The following ARHGEF18 variants were observed in gnomAD, a reference collection of about 807,000 sequenced individuals.
ARHGEF18 encodes the protein rho guanine nucleotide exchange factor 18.
A neutral mutation model predicts 155.7 loss-of-function variants in ARHGEF18; 93 were observed. That is an observed-to-expected ratio of 0.60 (90% CI 0.50 to 0.71). The LOEUF (loss-of-function observed/expected upper bound fraction) is 0.71. ARHGEF18 is among the 30% of genes least tolerant of loss of function. The probability of loss-of-function intolerance (pLI) is 0.00; values close to 1 mark genes in which losing one functional copy is unlikely to be tolerated. For synonymous variants in ARHGEF18, 742 were observed against 753.1 expected, an observed-to-expected ratio of 0.99 and a Z score of 0.24; for missense variants, 1,593 against 1,816.1, an observed-to-expected ratio of 0.88 and a Z score of 2.23.
chr19:7,441,616 CT>C (rs1974649265), intron 11 of ARHGEF18, 36 bp from the exon 12 acceptor site: 1 of 1,571,338 alleles, frequency 6.4e-7, no homozygotes, highest in Non-Finnish European at 8.8e-7. Flanking sequence ...GTTTAATTCA[CT>C]TTTCTAAAAC....
chr19:7,473,705 G>C (rs1056680076), downstream of ARHGEF18, among the ~76,000 whole-genome samples: 1 of 151,698 alleles, frequency 6.6e-6, no homozygotes, highest in African/African-American at 2.4e-5. Context: ...AGCTACTCGG[G>C]AGGCTGAAGC....
At chr19:7,409,492 A>G (rs927602824) in intron 10 of ARHGEF18, among the ~76,000 whole-genome samples, 6 of 145,404 alleles carry the variant, frequency 4.1e-5, no homozygotes, top group South Asian at 2.2e-4. Context: ...CAGTGGTACA[A>G]TCTCGGCTCA....
chr19:7,402,686 G>A (rs956677318), intron 10 of ARHGEF18, among the ~76,000 whole-genome samples: 4 of 152,082 alleles, frequency 2.6e-5, no homozygotes, highest in African/African-American at 9.7e-5. Flanking sequence ...AAAGGAAAGG[G>A]GACCAGCTTG....
At chr19:7,419,569 C>T (rs780388563) in intron 10 of ARHGEF18, among the ~76,000 whole-genome samples, 1 of 152,116 alleles carries the variant, frequency 6.6e-6, no homozygotes, top group Non-Finnish European at 1.5e-5. Flanking sequence ...GCAGGACAGG[C>T]ACCACCCTAG....
At chr19:7,443,581 C>A (rs1974804738) in intron 13 of ARHGEF18, among the ~76,000 whole-genome samples, 1 of 152,160 alleles carries the variant, frequency 6.6e-6, no homozygotes, top group Admixed American at 6.5e-5. Flanking sequence ...AAGGGCTGTA[C>A]CTCCTGATAC....
intron 23 of ARHGEF18, 21 bp downstream of exon 23, chr19:7,464,711 T>C (rs1412148639): frequency 6.2e-7 from 1 of 1,613,618 alleles, no homozygotes; most frequent in Non-Finnish European, 8.5e-7. Context: ...ATCCATTTGC[T>C]CGGTACAGTC....
chr19:7,378,659 A>G lies in ARHGEF18; in HGVS notation c.599+208A>G, dbSNP rs147099719. Among the ~76,000 whole-genome samples the G allele has an allele frequency of 3.9e-3, 553 of 143,544 alleles. 4 individuals carry two copies. Among genetic ancestry groups the G allele is most frequent in the African/African-American group, 0.014 (523 of 38,176 alleles). The allele number at this position is 143,544 out of a possible 152,430, so 94.2% of individuals were successfully genotyped here. On this transcript the variant is annotated intron_variant, in intron 6 of 28. Coordinates refer to ENST00000668164, the MANE Select transcript of ARHGEF18 (RefSeq NM_001367823.1). The stretch of plus-strand genomic sequence containing the variant: ...CCCAGGCCCCTCAGAAAGGTTCTCA[A>G]TGTAGCCTTGGGAGACAATTGTGGC...
intron 10 of ARHGEF18, among the ~76,000 whole-genome samples, chr19:7,385,019 C>T (rs528624872): frequency 9.2e-5 from 14 of 152,306 alleles, no homozygotes; most frequent in Admixed American, 7.9e-4. Flanking sequence ...AGTGCACCAA[C>T]AAAGTCAGTG....
chr19:7,410,242 C>T (rs1202813011), intron 10 of ARHGEF18, among the ~76,000 whole-genome samples: 2 of 152,140 alleles, frequency 1.3e-5, no homozygotes, highest in African/African-American at 2.4e-5. Context: ...TGCCTTCCGC[C>T]TGTGACTGAT....
chr19:7,419,296 G>GTACCCCA lies in ARHGEF18; in HGVS notation c.968-21048_968-21047insTACCCCA. 1.8e-5 allele frequency among the ~76,000 whole-genome samples: 2 copies of GTACCCCA among 110,678 alleles called. 1 individual carries two copies. The highest frequency in any genetic ancestry group is 1.3e-4 in the African/African-American group (2 of 15,652). 72.6% of individuals were successfully genotyped at this position (110,678 alleles called of 152,430 possible). A position where few individuals can be genotyped will look rare whatever the true frequency, so the allele number is the denominator to read the frequency against. On this transcript the variant is annotated intron_variant, in intron 10 of 28. Transcript: ENST00000668164. ...GTGCCCACACTCGGCCCCCGCACCT[G>GTACCCCA]GGTGTGCCCACACTTGGCCCCCACA...
intron 3 of ARHGEF18, among the ~76,000 whole-genome samples, chr19:7,375,368 AG>A (rs1970404973): frequency 6.6e-6 from 1 of 150,426 alleles, no homozygotes; most frequent in African/African-American, 2.4e-5. Context: ...GAAGGAAGGA[AG>A]GAAGGAAGAA....
chr19:7,444,535 G>C lies in ARHGEF18; in HGVS notation c.1611+81G>C. ...TCCTTTCTTCTTTTTTTCTGAGATA[G>C]GGTCTTGCCGTGTCGCCCAGGCTGG... On this transcript the variant is annotated intron_variant, in intron 14 of 28. Coordinates refer to ENST00000668164, the MANE Select transcript of ARHGEF18 (RefSeq NM_001367823.1). This position sits in a 1 kb window ranked among gnomAD's most constrained non-coding sequence, Gnocchi z 4.7. 6.5e-7 allele frequency: 1 copy of C among 1,542,920 alleles called. No homozygotes were observed. Among genetic ancestry groups the C allele is most frequent in the East Asian group, 2.3e-5 (1 of 43,540 alleles).
chr19:7,394,176 C>T (rs1001517127), intron 10 of ARHGEF18, among the ~76,000 whole-genome samples: 1 of 151,624 alleles, frequency 6.6e-6, no homozygotes, highest in Non-Finnish European at 1.5e-5. Flanking sequence ...CAGCCTGGAC[C>T]TCCCAGGCTC....
chr19:7,369,204 G>C (rs1600207677), intron 2 of ARHGEF18, among the ~76,000 whole-genome samples: 1 of 152,034 alleles, frequency 6.6e-6, no homozygotes, highest in Non-Finnish European at 1.5e-5. Flanking sequence ...ACTCACGCCT[G>C]TAATCCCAGC....
At position 7,376,015 on chromosome 19, in the gene ARHGEF18, C is replaced by G. The variant is rs917751276; in HGVS notation, c.426+145C>G. ...GAGGCTGCTTATCTGTGGTGTGGCC[C>G]GTGCCTCAGTTGTCTCTGGGTCCTA... is the stretch of plus-strand genomic sequence containing the variant. On this transcript the variant is annotated intron_variant, in intron 4 of 28. Transcript: ENST00000668164. 8 of 961,446 alleles carry G rather than the reference C, an allele frequency of 8.3e-6. No homozygotes were observed. The South Asian group carries it at 3.3e-4, about 40-fold the overall frequency. The allele number at this position is 961,446 out of a possible 1,614,324, so 59.6% of individuals were successfully genotyped here.
At chr19:7,416,278 C>A (rs1182815657) in intron 10 of ARHGEF18, among the ~76,000 whole-genome samples, 1 of 151,902 alleles carries the variant, frequency 6.6e-6, no homozygotes, top group Admixed American at 6.6e-5. Flanking sequence ...TGGTGTCACA[C>A]ACCTGTGGTC....
At chr19:7,364,208 G>C (rs1363641080) in intron 2 of ARHGEF18, among the ~76,000 whole-genome samples, 1 of 148,426 alleles carries the variant, frequency 6.7e-6, no homozygotes, top group Non-Finnish European at 1.5e-5. Context: ...GTGGAAGGAA[G>C]GAAAGAAGGA....
rs1600568826 is a variant in ARHGEF18, at chr19:7,472,113, A to G, written c.*1815A>G. The G allele has an allele frequency of 6.6e-6, 1 of 152,370 alleles. No individual in the cohort carries two copies. Among genetic ancestry groups the G allele is most frequent in the Non-Finnish European group, 1.5e-5 (1 of 68,026 alleles). 9.4% of individuals were successfully genotyped at this position (152,370 alleles called of 1,614,324 possible). ...CGGTCCAGCCCTCCGAGATGCCACA[A>G]TTCCTTGGATGGGGGAGAAGTTCAA... On this transcript the variant is annotated 3_prime_UTR_variant, in exon 29 of 29. Transcript: ENST00000668164.
In ARHGEF18 at chr19:7,464,603, C is replaced by T; in HGVS notation, c.2817C>T (p.Pro939=). ...AAGTCAGCAGCACTGACCCCAGGCC[C>T]CGAGACTGGCGAGGCCCCCCAAACA... The part of the protein sequence containing the change: ...KKKVSSTDPR[P]RDWRGPPNSP... Residue 939 remains proline, a synonymous_variant, in exon 23 of 29, where the codon CCC becomes CCT. Transcript: ENST00000668164. 6.2e-7 allele frequency: 1 copy of T among 1,613,952 alleles called. No individual in the cohort carries two copies. Among genetic ancestry groups the T allele is most frequent in the Non-Finnish European group, 8.5e-7 (1 of 1,179,978 alleles).
Sources: gnomAD v4.1 joint callset for allele counts (sites outside exome capture counted in the v4.1 genomes callset) on GRCh38, gnomAD v4.1.1 for gene constraint, Gnocchi (gnomAD v3.1) non-coding constraint, MANE v1.5 for transcripts, NCBI Gene and HGNC (gene_info 2026-07-23, HGNC 2026-07-21) for gene names.